FRMPD4: variants seen among roughly 807,000 people sequenced by gnomAD.
FRMPD4 encodes FERM and PDZ domain containing 4.
In FRMPD4, 22 loss-of-function variants were observed where a neutral mutation model predicts 94.1. That is an observed-to-expected ratio of 0.23 (90% CI 0.17 to 0.33). FRMPD4 has a LOEUF of 0.33. FRMPD4 is among the 10% of genes least tolerant of loss of function. The pLI, the probability that FRMPD4 is intolerant of heterozygous loss-of-function variation, is 1.00. For missense variants in FRMPD4, 1,111 were observed against 1,339.9 expected, an observed-to-expected ratio of 0.83 and a Z score of 2.67; for synonymous variants, 631 against 548.6, an observed-to-expected ratio of 1.15 and a Z score of -2.10.
intron 1 of FRMPD4, among the ~76,000 whole-genome samples, chrX:11,846,417 G>A (rs1254423907): frequency 9.0e-6 from 1 of 111,012 alleles, no homozygotes; most frequent in East Asian, 2.8e-4. Context: ...CATGCCCATG[G>A]GTAGGAAGAA....
At chrX:12,656,779 T>C (rs2059660613) in intron 4 of FRMPD4, among the ~76,000 whole-genome samples, 1 of 111,669 alleles carries the variant, frequency 9.0e-6, no homozygotes, top group South Asian at 3.7e-4. Context: ...TGATTACAAT[T>C]ATCTATTGGT....
At chrX:12,091,140 G>C (rs2055150368) in intron 3 of FRMPD4, among the ~76,000 whole-genome samples, 1 of 112,080 alleles carries the variant, frequency 8.9e-6, no homozygotes, top group Non-Finnish European at 1.9e-5. Context: ...TCCTCATAAT[G>C]ACTATGAATT....
chrX:11,908,655 G>A (rs996077470), intron 3 of FRMPD4, among the ~76,000 whole-genome samples: 1 of 111,147 alleles, frequency 9.0e-6, no homozygotes, highest in African/African-American at 3.3e-5. Flanking sequence ...GGTGGATGGG[G>A]GTGTATGTGA....
intron 1 of FRMPD4, among the ~76,000 whole-genome samples, chrX:12,441,359 A>T (rs772410936): frequency 1.8e-5 from 2 of 112,317 alleles, no homozygotes; most frequent in South Asian, 7.4e-4. Flanking sequence ...GGCCTATAAA[A>T]CTCTAAATAT....
chrX:11,954,127 G>A (rs1391197039), intron 3 of FRMPD4, among the ~76,000 whole-genome samples: 1 of 112,163 alleles, frequency 8.9e-6, no homozygotes, highest in Non-Finnish European at 1.9e-5. Flanking sequence ...AAACACATTT[G>A]TTGACTTCAG....
chrX:12,036,498 A>G (rs754495652), intron 3 of FRMPD4, among the ~76,000 whole-genome samples: 1 of 112,431 alleles, frequency 8.9e-6, no homozygotes, highest in South Asian at 3.7e-4. Flanking sequence ...ACATTTTGAC[A>G]TTTCTTTAGA....
chrX:12,062,945 C>T (rs2147462202), intron 3 of FRMPD4, among the ~76,000 whole-genome samples: 1 of 111,779 alleles, frequency 8.9e-6, no homozygotes, highest in South Asian at 3.7e-4. Flanking sequence ...TATAGGACTT[C>T]CAGTCCAATG....
intron 3 of FRMPD4, among the ~76,000 whole-genome samples, chrX:12,129,747 G>A (rs2055532669): frequency 9.0e-6 from 1 of 111,583 alleles, no homozygotes; most frequent in African/African-American, 3.3e-5. Context: ...CAGTTTTCTG[G>A]CTGTGTGGTC....
At chrX:12,379,001 A>C (rs1332986602) in intron 1 of FRMPD4, among the ~76,000 whole-genome samples, 1 of 111,889 alleles carries the variant, frequency 8.9e-6, no homozygotes, top group East Asian at 2.8e-4. Context: ...TTACTTTCCC[A>C]AAATCTGTAA....
At chrX:12,589,373 T>C (rs1356279613) in intron 2 of FRMPD4, among the ~76,000 whole-genome samples, 1 of 111,539 alleles carries the variant, frequency 9.0e-6, no homozygotes, top group African/African-American at 3.3e-5. Context: ...TCAAGGAAAA[T>C]GCTATGGAGA....
rs2042263408 is a variant in FRMPD4, at chrX:12,722,722, T to C, written c.*864T>C. Reference sequence around the variant, plus strand: ...AAAAATCTGCAAACCAAAGACATTATCTTCCCCTCATCCCAACTCAACTAC... The same window carrying C: ...AAAAATCTGCAAACCAAAGACATTACCTTCCCCTCATCCCAACTCAACTAC... On this transcript the variant is annotated 3_prime_UTR_variant, in exon 17 of 17. Transcript: ENST00000675598. 8.9e-6 allele frequency: 1 copy of C among 112,500 alleles called. No homozygotes were observed. The highest frequency in any genetic ancestry group is 1.9e-5 in the Non-Finnish European group (1 of 53,323). The allele number at this position is 112,500 out of a possible 1,213,427, so 9.3% of individuals were successfully genotyped here. A position where few individuals can be genotyped will look rare whatever the true frequency, so the allele number is the denominator to read the frequency against.
At chrX:11,991,266 AT>A (rs1189182691) in intron 3 of FRMPD4, among the ~76,000 whole-genome samples, 2 of 111,672 alleles carry the variant, frequency 1.8e-5, no homozygotes, top group Admixed American at 9.5e-5. Flanking sequence ...ACTGGGGGTC[AT>A]TTTAGGTTGT....
intron 3 of FRMPD4, among the ~76,000 whole-genome samples, chrX:12,024,929 C>T (rs2054651170): frequency 8.9e-6 from 1 of 111,779 alleles, no homozygotes; most frequent in Non-Finnish European, 1.9e-5. Flanking sequence ...TACCTGGTCT[C>T]TTGCCAATAT....
intron 3 of FRMPD4, among the ~76,000 whole-genome samples, chrX:11,974,126 A>G (rs940573759): frequency 2.2e-4 from 24 of 111,607 alleles, no homozygotes; most frequent in Non-Finnish European, 2.3e-4. Flanking sequence ...AGAGAGGTTC[A>G]ATATGGCTAT....
intron 1 of FRMPD4, among the ~76,000 whole-genome samples, chrX:12,480,307 C>T (rs1460551042): frequency 1.5e-5 from 1 of 68,761 alleles, no homozygotes; most frequent in Non-Finnish European, 2.5e-5. Flanking sequence ...AAGCTTCAGG[C>T]AGACACTACA....
chrX:12,192,212 T>C (rs1256684923), intron 1 of FRMPD4, among the ~76,000 whole-genome samples: 1 of 111,736 alleles, frequency 8.9e-6, no homozygotes, highest in Non-Finnish European at 1.9e-5. Context: ...CATTTCCAAA[T>C]ATAACCAACA....
intron 1 of FRMPD4, among the ~76,000 whole-genome samples, chrX:12,465,647 T>G (rs2057441353): frequency 8.9e-6 from 1 of 112,136 alleles, no homozygotes; most frequent in African/African-American, 3.2e-5. Context: ...ATGCTACACT[T>G]TTAATATTTA....
At chrX:12,645,646 C>A (rs73196399) in intron 4 of FRMPD4, among the ~76,000 whole-genome samples, 38,245 of 109,721 alleles carry the variant, frequency 0.35, 5,758 homozygotes, top group Non-Finnish European at 0.47. Flanking sequence ...TGAGCCACCG[C>A]ACCTGGCCAA....
At chrX:11,905,296 C>T (rs930581966) in intron 3 of FRMPD4, among the ~76,000 whole-genome samples, 4 of 111,553 alleles carry the variant, frequency 3.6e-5, no homozygotes, top group Non-Finnish European at 5.6e-5. Flanking sequence ...TCTGCAGTAG[C>T]TATTTTGAAA....
Sources: allele counts gnomAD v4.1 joint callset (sites outside exome capture counted in the v4.1 genomes callset), GRCh38; gene constraint gnomAD v4.1.1; transcripts MANE v1.5; gene names NCBI Gene and HGNC (gene_info 2026-07-23, HGNC 2026-07-21).